SQSTM1: variants seen among roughly 807,000 people sequenced by gnomAD.
SQSTM1 encodes sequestosome 1.
A neutral mutation model predicts 45.1 loss-of-function variants in SQSTM1; 36 were observed. The ratio of observed to expected loss-of-function variants is 0.80; its 90% confidence interval spans 0.61 to 1.05. The LOEUF (loss-of-function observed/expected upper bound fraction) is 1.05. Ranked by LOEUF, SQSTM1 falls within the 50% of genes least tolerant of loss-of-function variation. The probability of loss-of-function intolerance (pLI) is 0.00; values close to 1 mark genes in which losing one functional copy is unlikely to be tolerated. For missense variants in SQSTM1, 617 were observed against 607.1 expected (o/e 1.02, Z -0.17); for synonymous variants, 290 against 244.3 (o/e 1.19, Z -1.74).
At chr5:179,809,120 A>T (rs1444825918) in intron 1 of SQSTM1, among the ~76,000 whole-genome samples, 2 of 132,860 alleles carry the variant, frequency 1.5e-5, no homozygotes, top group East Asian at 4.7e-4. Context: ...GCCTCCCAAA[A>T]TGCTGGGATT....
intron 1 of SQSTM1, chr5:179,808,181 A>C (rs1757264936): frequency 6.6e-6 from 1 of 152,296 alleles, no homozygotes; most frequent in African/African-American, 2.4e-5. Context: ...CTGAGATTGA[A>C]TGCGGCTTTG....
chr5:179,821,243 G>C, intron 1 of SQSTM1, 102 bp downstream of exon 1: 1 of 1,146,688 alleles, frequency 8.7e-7, no homozygotes, highest in Non-Finnish European at 1.1e-6. Flanking sequence ...CTGGCGGGCC[G>C]TGAGGGGGTC....
chr5:179,815,086 GT>G (rs1757540755), upstream of SQSTM1, among the ~76,000 whole-genome samples: 1 of 152,006 alleles, frequency 6.6e-6, no homozygotes, highest in Admixed American at 6.6e-5. Flanking sequence ...TATTGTGACT[GT>G]TTCTGGCCTG....
chr5:179,824,832 T>C (rs1411789519), intron 4 of SQSTM1, among the ~76,000 whole-genome samples: 3 of 152,216 alleles, frequency 2.0e-5, no homozygotes, highest in Admixed American at 2.0e-4. Flanking sequence ...TGCTTGACTT[T>C]GAGTAAATAA....
intron 5 of SQSTM1, among the ~76,000 whole-genome samples, chr5:179,831,676 A>G (rs1758227853): frequency 6.6e-6 from 1 of 152,198 alleles, no homozygotes. Flanking sequence ...AAACAAAGGA[A>G]AAGAGAAGCC....
intron 1 of SQSTM1, among the ~76,000 whole-genome samples, chr5:179,808,878 G>C: frequency 7.5e-6 from 1 of 132,860 alleles, no homozygotes; most frequent in East Asian, 2.1e-4. Context: ...TTTTTTTTGA[G>C]ACGGAGTCTT....
chr5:179,829,069 A>G (rs1372777523), intron 5 of SQSTM1, among the ~76,000 whole-genome samples: 1 of 152,234 alleles, frequency 6.6e-6, no homozygotes, highest in Non-Finnish European at 1.5e-5. Context: ...AGTGTCAGCT[A>G]GAGACTTCAG....
rs1757175625 is a variant in SQSTM1 at position 179,806,670 on chromosome 5, G to A, written c.-157+79G>A. 1.6e-5 allele frequency: 10 copies of A among 631,018 alleles called. No individual in the cohort carries two copies. Among genetic ancestry groups the A allele is most frequent in the Non-Finnish European group, 2.0e-5 (10 of 506,640 alleles). The allele number at this position is 631,018 out of a possible 1,614,324, so 39.1% of individuals were successfully genotyped here. Reference sequence around the variant, plus strand: ...CGGGGCGCAGGGGTCGGAAGGCGGCGGCGGCGGCGGCAGGGGCCCCGGCCC... The same window carrying A: ...CGGGGCGCAGGGGTCGGAAGGCGGCAGCGGCGGCGGCAGGGGCCCCGGCCC... On this transcript the variant is annotated intron_variant, in intron 1 of 5. Coordinates refer to the SQSTM1 transcript ENST00000514093. This position sits in a 1 kb window ranked among gnomAD's most constrained non-coding sequence, Gnocchi z 4.6.
intron 1 of SQSTM1, chr5:179,821,440 C>A: frequency 1.6e-6 from 1 of 608,714 alleles, no homozygotes. Flanking sequence ...CTCCACCCCC[C>A]GCGCTGTTGG....
upstream of SQSTM1, among the ~76,000 whole-genome samples, chr5:179,816,030 G>C (rs532339435): frequency 7.2e-5 from 11 of 152,332 alleles, no homozygotes; most frequent in African/African-American, 2.6e-4. Context: ...CGGGCACTGG[G>C]CTGCGAGTGT....
chr5:179,821,217 C>T (rs1306677497), intron 1 of SQSTM1, 76 bp downstream of exon 1: 1 of 1,276,778 alleles, frequency 7.8e-7, no homozygotes, highest in Non-Finnish European at 1.0e-6. Context: ...GCTGCCCCCT[C>T]CCTTCTCGGC....
intron 7 of SQSTM1, chr5:179,836,141 T>C (rs554017269): frequency 3.8e-6 from 2 of 533,210 alleles, no homozygotes; most frequent in Admixed American, 6.3e-5. Context: ...TGTTCTTACA[T>C]TTTAAAATCA....
chr5:179,836,479 C>T lies in SQSTM1; in HGVS notation c.1209C>T (p.Ser403=), dbSNP rs777004439. 6.2e-7 allele frequency: 1 copy of T among 1,614,190 alleles called. No homozygotes were observed. The highest frequency in any genetic ancestry group is 8.5e-7 in the Non-Finnish European group (1 of 1,180,036). ...RLIESLSQML[S]MGFSDEGGWL... ...TTGAGTCCCTCTCCCAGATGCTGTC[C>T]ATGGGCTTCTCTGATGAAGGCGGCT... Residue 403 remains serine (S), a synonymous_variant, in exon 8 of 8, where the codon TCC becomes TCT. Transcript: ENST00000389805.
At chr5:179,808,304 G>A (rs2113453290) in intron 1 of SQSTM1, 1 of 152,480 alleles carries the variant, frequency 6.6e-6, no homozygotes, top group African/African-American at 2.4e-5. Context: ...AGAGGTTGAA[G>A]TGGGCTGGAT....
upstream of SQSTM1, among the ~76,000 whole-genome samples, chr5:179,815,990 G>C (rs1426392022): frequency 6.6e-6 from 1 of 152,144 alleles, no homozygotes; most frequent in Non-Finnish European, 1.5e-5. Flanking sequence ...TCGAAGAGCT[G>C]AGTCTCGTCG....
chr5:179,829,527 T>C (rs1051320502), intron 5 of SQSTM1, among the ~76,000 whole-genome samples: 1 of 152,028 alleles, frequency 6.6e-6, no homozygotes, highest in Non-Finnish European at 1.5e-5. Flanking sequence ...AAAAGAGCAT[T>C]GTCTGCATGA....
chr5:179,834,251 T>TGGG (rs1758398543), intron 7 of SQSTM1, among the ~76,000 whole-genome samples: 2 of 30,078 alleles, frequency 6.6e-5, no homozygotes, highest in African/African-American at 3.7e-4. Flanking sequence ...GGGTGGGGGG[T>TGGG]GGGGACAGCT....
rs1356693322 is a variant in SQSTM1, at chr5:179,836,589, T to C, written c.1319T>C (p.Leu440Ser). Residue 440 changes from leucine to serine, a missense_variant, in exon 8 of 8, where the codon TTG becomes TCG. Leu to Ser is a moderately radical substitution (Grantham distance 145). Coordinates refer to ENST00000389805, the MANE Select transcript of SQSTM1 (RefSeq NM_003900.5). The stretch of plus-strand genomic sequence containing the variant: ...CAGTATTCAAAGCATCCCCCGCCGT[T>C]GTGACCACTTTTGCCCACCTCTTCT... ...TIQYSKHPPP[L>S] 2 of 1,614,076 alleles carry C rather than the reference T, an allele frequency of 1.2e-6. No homozygotes were observed. The highest frequency in any genetic ancestry group is 8.5e-7 in the Non-Finnish European group (1 of 1,180,040).
chr5:179,827,547 G>A (rs564149721), intron 5 of SQSTM1, among the ~76,000 whole-genome samples: 1 of 152,328 alleles, frequency 6.6e-6, no homozygotes, highest in East Asian at 1.9e-4. Flanking sequence ...GCCTCCCCAA[G>A]TGCTGGGATT....
Sources: gnomAD v4.1 joint callset for allele counts (sites outside exome capture counted in the v4.1 genomes callset) on GRCh38, gnomAD v4.1.1 for gene constraint, Gnocchi (gnomAD v3.1) non-coding constraint, MANE v1.5 for transcripts, NCBI Gene and HGNC (gene_info 2026-07-23, HGNC 2026-07-21) for gene names.